The following UBAP2 variants were observed in gnomAD, a reference collection of about 807,000 sequenced individuals.
UBAP2 encodes the protein ubiquitin-associated protein 2.
Under a neutral mutation model 139.6 loss-of-function variants are expected in UBAP2, and 75 were observed. The observed-to-expected ratio is 0.54, with a 90% CI of 0.45 to 0.65. UBAP2 has a LOEUF of 0.65. Ranked by LOEUF, UBAP2 falls within the 30% of genes least tolerant of loss-of-function variation. UBAP2 has a pLI of 0.00. For missense variants in UBAP2, 1,368 were observed against 1,369.6 expected, an observed-to-expected ratio of 1.00 and a Z score of 0.02; for synonymous variants, 526 against 526.2, an observed-to-expected ratio of 1.00 and a Z score of 0.01.
intron 8 of UBAP2, among the ~76,000 whole-genome samples, chr9:33,969,921 C>CTTTTTTT (rs1173625005): frequency 2.2e-5 from 1 of 46,154 alleles, no homozygotes; most frequent in Admixed American, 3.4e-4. Context: ...GTGTATAATT[C>CTTTTTTT]TTTTTTTTTT....
At chr9:33,939,861 A>G (rs1366105653) in intron 16 of UBAP2, among the ~76,000 whole-genome samples, 4 of 352 alleles carry the variant, frequency 0.011, no homozygotes, top group Admixed American at 0.028. Flanking sequence ...GGGGAGGGGG[A>G]GGAGGAGGAG....
intron 10 of UBAP2, among the ~76,000 whole-genome samples, chr9:33,957,876 A>G (rs571414286): frequency 6.6e-6 from 1 of 151,164 alleles, no homozygotes; most frequent in Non-Finnish European, 1.5e-5. Context: ...TAAAAGTGCT[A>G]AATTGTTTAC....
intron 19 of UBAP2, chr9:33,928,418 G>A (rs1823669409): frequency 6.3e-6 from 1 of 158,530 alleles, no homozygotes; most frequent in Admixed American, 6.3e-5. Context: ...ACAGGCCACA[G>A]GAAGCCCAGC....
At chr9:33,971,396 A>G (rs780521694) in intron 8 of UBAP2, among the ~76,000 whole-genome samples, 3 of 152,178 alleles carry the variant, frequency 2.0e-5, no homozygotes, top group South Asian at 4.1e-4. Flanking sequence ...GTTTGTGCTG[A>G]TTTATGCCAA....
chr9:34,040,195 G>A (rs1485740872), intron 1 of UBAP2, among the ~76,000 whole-genome samples: 1 of 149,816 alleles, frequency 6.7e-6, no homozygotes, highest in Non-Finnish European at 1.5e-5. Flanking sequence ...GTGGTGGCAC[G>A]TGCCTGTAGT....
chr9:33,940,701 C>T (rs1026555921), intron 16 of UBAP2, among the ~76,000 whole-genome samples: 1 of 152,166 alleles, frequency 6.6e-6, no homozygotes, highest in African/African-American at 2.4e-5. Context: ...ACTCACTGAG[C>T]CCGGGAGGTC....
intron 1 of UBAP2, among the ~76,000 whole-genome samples, chr9:34,035,698 G>GAAAC (rs1291921855): frequency 1.1e-4 from 16 of 150,800 alleles, no homozygotes; most frequent in Admixed American, 6.7e-5. Flanking sequence ...AATAAAGAAA[G>GAAAC]AAACAAACAA....
chr9:33,944,457 T>C lies in UBAP2; in HGVS notation c.1453A>G (p.Ser485Gly). 6.2e-7 allele frequency: 1 copy of C among 1,614,124 alleles called. No individual in the cohort carries two copies. The highest frequency in any genetic ancestry group is 1.1e-5 in the South Asian group (1 of 91,080). Residue 485 changes from serine (S) to glycine (G), a missense_variant, in exon 14 of 29, where the codon AGC becomes GGC. Transcript: ENST00000379238. Reference protein sequence around the residue: ...STVNKLLQLPSTTIENISVSV... With the variant: ...STVNKLLQLPGTTIENISVSV... Reference sequence around the variant, plus strand: ...ACAGAGATATTTTCAATGGTCGTGCTGGGAAGCTGCAAAAGCTTGTTCACA... The same window carrying C: ...ACAGAGATATTTTCAATGGTCGTGCCGGGAAGCTGCAAAAGCTTGTTCACA...
chr9:34,038,515 C>T (rs562528126), intron 1 of UBAP2, among the ~76,000 whole-genome samples: 1 of 152,340 alleles, frequency 6.6e-6, no homozygotes, highest in East Asian at 1.9e-4. Context: ...CAGCTGCTAA[C>T]CGCGAGTGAT....
intron 1 of UBAP2, among the ~76,000 whole-genome samples, chr9:34,039,715 G>C (rs558227823): frequency 2.6e-5 from 4 of 151,796 alleles, no homozygotes; most frequent in African/African-American, 9.7e-5. Flanking sequence ...GCAGAAGGCC[G>C]CAGGGACCTC....
At chr9:34,011,476 T>C (rs1386104259) in intron 2 of UBAP2, among the ~76,000 whole-genome samples, 1 of 152,196 alleles carries the variant, frequency 6.6e-6, no homozygotes, top group Non-Finnish European at 1.5e-5. Flanking sequence ...CTAGCATATT[T>C]ATGAAAATAA....
intron 21 of UBAP2, 94 bp from the exon 22 acceptor site, chr9:33,926,758 C>CT: frequency 7.6e-7 from 1 of 1,319,922 alleles, no homozygotes; most frequent in Non-Finnish European, 1.1e-6. Context: ...TTGGGGGGCT[C>CT]TAACACACCC....
At chr9:33,958,025 G>A (rs1299584738) in intron 10 of UBAP2, among the ~76,000 whole-genome samples, 1 of 152,050 alleles carries the variant, frequency 6.6e-6, no homozygotes, top group African/African-American at 2.4e-5. Flanking sequence ...TGATCACTGA[G>A]GCTCACTGCA....
intron 19 of UBAP2, among the ~76,000 whole-genome samples, chr9:33,929,191 T>C (rs887737574): frequency 3.3e-5 from 5 of 152,212 alleles, no homozygotes; most frequent in African/African-American, 1.2e-4. Flanking sequence ...TGACCAGTGC[T>C]CGCAAGTGTA....
intron 12 of UBAP2, among the ~76,000 whole-genome samples, chr9:33,949,189 T>A (rs1488312091): frequency 7.2e-6 from 1 of 139,558 alleles, no homozygotes; most frequent in African/African-American, 2.5e-5. Flanking sequence ...AATAAATAAA[T>A]AAAAATAAAA....
intron 1 of UBAP2, among the ~76,000 whole-genome samples, chr9:34,031,277 CAA>C (rs767083775): frequency 3.1e-4 from 22 of 71,690 alleles, no homozygotes; most frequent in Admixed American, 4.9e-4. Flanking sequence ...AACTCAGTCT[CAA>C]AAAAAAAAAA....
chr9:33,982,987 C>T (rs1236443673), intron 6 of UBAP2, among the ~76,000 whole-genome samples: 2 of 151,182 alleles, frequency 1.3e-5, no homozygotes, highest in Non-Finnish European at 2.9e-5. Flanking sequence ...TCAAGCAATT[C>T]TCTGCCCCGG....
At chr9:33,945,051 G>A (rs1825548226) in intron 13 of UBAP2, among the ~76,000 whole-genome samples, 1 of 151,640 alleles carries the variant, frequency 6.6e-6, no homozygotes, top group Admixed American at 6.6e-5. Flanking sequence ...GATTGCTTTA[G>A]CCCAGGAGTA....
chr9:33,932,946 C>T (rs111728735), intron 18 of UBAP2, among the ~76,000 whole-genome samples: 5 of 152,318 alleles, frequency 3.3e-5, no homozygotes, highest in South Asian at 4.1e-4. Flanking sequence ...AATCTGTGAA[C>T]GAGGGATCAA....
Sources: allele counts gnomAD v4.1 joint callset (sites outside exome capture counted in the v4.1 genomes callset), GRCh38; gene constraint gnomAD v4.1.1; transcripts MANE v1.5; gene names NCBI Gene and HGNC (gene_info 2026-07-23, HGNC 2026-07-21).